DNAH11: variants seen among roughly 807,000 people sequenced by gnomAD.
DNAH11 encodes the protein dynein axonemal heavy chain 11.
DNAH11 carries 442 observed loss-of-function variants against 526.0 expected under a neutral mutation model. The observed-to-expected ratio is 0.84, with a 90% CI of 0.78 to 0.91. The LOEUF (loss-of-function observed/expected upper bound fraction) is 0.91. Among genes scored for constraint, DNAH11 ranks in the 40% least tolerant of loss-of-function variants. The probability of loss-of-function intolerance (pLI) is 0.00; values close to 1 mark genes in which losing one functional copy is unlikely to be tolerated. For missense variants in DNAH11, 6,989 were observed against 5,448.7 expected (o/e 1.28, Z -8.90); for synonymous variants, 2,461 against 1,935.9 (o/e 1.27, Z -7.12).
chr7:21,846,184 A>G (rs1394273772), intron 66 of DNAH11, among the ~76,000 whole-genome samples: 1 of 152,098 alleles, frequency 6.6e-6, no homozygotes. Flanking sequence ...AACAAAGACA[A>G]TTTTTTGTTC....
chr7:21,773,829 A>G lies in DNAH11; in HGVS notation c.9166A>G (p.Ser3056Gly), dbSNP rs924923201. 26 of 1,608,886 alleles carry G rather than the reference A, an allele frequency of 1.6e-5. No individual in the cohort carries two copies. The East Asian group carries it at 3.8e-4, about 24-fold the overall frequency. Residue 3056 changes from serine to glycine, a missense_variant, in exon 56 of 82, where the codon AGT becomes GGT. By Grantham distance (56) the Ser-to-Gly change is moderately conservative. Coordinates refer to ENST00000409508, the MANE Select transcript of DNAH11 (RefSeq NM_001277115.2). ...TGTTCACACCACTGTAAATGAAATG[A>G]GTACCAGATATTACCAGAATGAGAG... ...AHVHTTVNEM[S>G]TRYYQNERRH... is the part of the protein sequence containing the mutation.
chr7:21,635,440 G>A (rs545406761), intron 25 of DNAH11, among the ~76,000 whole-genome samples: 1 of 152,300 alleles, frequency 6.6e-6, no homozygotes, highest in South Asian at 2.1e-4. Context: ...ACAGGCGTGA[G>A]CCACCGTGCC....
At chr7:21,829,661 A>T (rs1790461283) in intron 65 of DNAH11, among the ~76,000 whole-genome samples, 2 of 152,374 alleles carry the variant, frequency 1.3e-5, no homozygotes, top group South Asian at 4.1e-4. Context: ...TTTATAATCA[A>T]TACTGATGAC....
intron 2 of DNAH11, among the ~76,000 whole-genome samples, chr7:21,557,574 T>C (rs1029140747): frequency 3.3e-5 from 5 of 152,140 alleles, no homozygotes; most frequent in Admixed American, 6.5e-5. Context: ...TCAGCCGTCA[T>C]GACAAATACA....
chr7:21,604,535 T>C (rs1016679360), intron 18 of DNAH11, among the ~76,000 whole-genome samples: 6 of 152,174 alleles, frequency 3.9e-5, no homozygotes, highest in African/African-American at 1.4e-4. Flanking sequence ...TTGGTCGTCA[T>C]ACCTCAAGGG....
intron 51 of DNAH11, among the ~76,000 whole-genome samples, chr7:21,747,718 G>GGT (rs1786211802): frequency 6.6e-6 from 1 of 152,148 alleles, no homozygotes; most frequent in South Asian, 2.1e-4. Context: ...ATTCTACAAT[G>GGT]GTGTAGTTAC....
At chr7:21,877,068 T>A (rs1342985322) in intron 74 of DNAH11, among the ~76,000 whole-genome samples, 1 of 152,318 alleles carries the variant, frequency 6.6e-6, no homozygotes, top group African/African-American at 2.4e-5. Context: ...TATGGATAGA[T>A]TGATGAATGC....
chr7:21,899,190 C>T, intron 79 of DNAH11, 146 bp from the exon 80 acceptor site: 3 of 676,772 alleles, frequency 4.4e-6, no homozygotes, highest in South Asian at 1.7e-5. Context: ...CAGTGCCCTG[C>T]AAATTGTCAG....
chr7:21,684,057 G>C (rs1187921691), intron 32 of DNAH11, 113 bp downstream of exon 32: 1 of 1,138,312 alleles, frequency 8.8e-7, no homozygotes, highest in East Asian at 2.5e-5. Context: ...CTATGTGAAA[G>C]TGGTGAAGAG....
chr7:21,866,506 C>T lies in DNAH11; in HGVS notation c.11533C>T (p.Arg3845Ter), dbSNP rs1309805676. 8.1e-6 allele frequency: 13 copies of T among 1,612,796 alleles called. No individual in the cohort carries two copies. Among genetic ancestry groups the T allele is most frequent in the South Asian group, 2.2e-5 (2 of 90,888 alleles). ...CATGGAAGAATTTCGAGGCATAGAC[C>T]GAGATGTGGAAGGATCTGCCAAGCA... The part of the protein sequence containing the change: ...AVMEEFRGID[R>*]DVEGSAKQWR... Residue 3845 changes from arginine (R) to a stop codon, truncating the protein, a stop_gained, in exon 71 of 82, where the codon CGA (arginine) becomes TGA (stop). Coordinates refer to ENST00000409508, the MANE Select transcript of DNAH11 (RefSeq NM_001277115.2). LOFTEE classifies it high-confidence loss of function.
chr7:21,609,992 C>A (rs1239566595), intron 20 of DNAH11, among the ~76,000 whole-genome samples: 2 of 152,122 alleles, frequency 1.3e-5, no homozygotes, highest in Non-Finnish European at 2.9e-5. Flanking sequence ...CGGTGGCTCA[C>A]GCCTGTAATC....
intron 5 of DNAH11, among the ~76,000 whole-genome samples, chr7:21,563,318 T>C (rs1050009394): frequency 6.6e-6 from 1 of 151,954 alleles, no homozygotes; most frequent in African/African-American, 2.4e-5. Context: ...AAGTGATCCT[T>C]CCACCTCAGC....
chr7:21,721,931 CT>C (rs1255410994), intron 44 of DNAH11, among the ~76,000 whole-genome samples: 3 of 151,944 alleles, frequency 2.0e-5, no homozygotes, highest in Admixed American at 6.6e-5. Context: ...TTTCACTGAT[CT>C]TTTTTTTAGC....
chr7:21,816,447 A>C lies in DNAH11; in HGVS notation c.10333-20A>C, dbSNP rs1015246007. The C allele has an allele frequency of 1.3e-6, 2 of 1,570,928 alleles. No individual in the cohort carries two copies. The highest frequency in any genetic ancestry group is 8.7e-7 in the Non-Finnish European group (1 of 1,155,222). On this transcript the variant is annotated intron_variant, in intron 63 of 81. Transcript: ENST00000409508. ...CTCTGCCACATGACCAATTTGTTGC[A>C]TTCAACTCTGATTTTAAAGGTTTCC...
At chr7:21,710,724 C>T (rs759060795) in intron 41 of DNAH11, 21 bp downstream of exon 41, 1 of 1,599,114 alleles carries the variant, frequency 6.3e-7, no homozygotes, top group Non-Finnish European at 8.5e-7. Context: ...CCTCTGTTCT[C>T]AACCTTAAAT....
intron 46 of DNAH11, among the ~76,000 whole-genome samples, chr7:21,737,022 A>G (rs1785643321): frequency 6.6e-6 from 1 of 152,200 alleles, no homozygotes; most frequent in Non-Finnish European, 1.5e-5. Context: ...CTATTTCCTA[A>G]AAGGAATACA....
intron 54 of DNAH11, among the ~76,000 whole-genome samples, chr7:21,761,592 G>C (rs923101421): frequency 2.6e-5 from 4 of 152,112 alleles, no homozygotes; most frequent in Non-Finnish European, 5.9e-5. Context: ...GCATTGCTGA[G>C]TCCCACCTCC....
Position 21,673,488 on chromosome 7 carries a change from T to C in DNAH11, c.5329-8058T>C, listed in dbSNP as rs150156694. On this transcript the variant is annotated intron_variant, in intron 30 of 81. Transcript: ENST00000409508. ...ACTAGAGCAATGGCCATCAGGCTGA[T>C]GTCCCTCCCCCCACAGCATCCTCCA... is the stretch of plus-strand genomic sequence containing the variant. Among the ~76,000 whole-genome samples the C allele has an allele frequency of 5.3e-5, 8 of 152,298 alleles. No individual in the cohort carries two copies. The East Asian group carries it at 1.5e-3, about 29-fold the overall frequency.
chr7:21,818,658 G>C (rs1052626251), intron 65 of DNAH11, among the ~76,000 whole-genome samples: 2 of 152,134 alleles, frequency 1.3e-5, no homozygotes, highest in African/African-American at 2.4e-5. Flanking sequence ...AGAACACCTT[G>C]AATAGGGCTG....
Sources: gnomAD v4.1 joint callset for allele counts (sites outside exome capture counted in the v4.1 genomes callset) on GRCh38, gnomAD v4.1.1 for gene constraint, MANE v1.5 for transcripts, NCBI Gene and HGNC (gene_info 2026-07-23, HGNC 2026-07-21) for gene names.